NME7: variants seen among roughly 807,000 people sequenced by gnomAD.
NME7 encodes the protein NME/NM23 family member 7.
Under a neutral mutation model 49.1 loss-of-function variants are expected in NME7, and 41 were observed. The ratio of observed to expected loss-of-function variants is 0.83; its 90% CI spans 0.65 to 1.08. NME7 has a LOEUF of 1.08. Among genes scored for constraint, NME7 ranks in the 50% least tolerant of loss-of-function variants. The probability of loss-of-function intolerance (pLI) is 0.00; values close to 1 mark genes in which losing one functional copy is unlikely to be tolerated. For missense variants in NME7, 423 were observed against 463.4 expected (o/e 0.91, Z 0.80); for synonymous variants, 139 against 150.6 (o/e 0.92, Z 0.56).
At chr1:169,347,162 T>C (rs968649697) in intron 1 of NME7, among the ~76,000 whole-genome samples, 8 of 152,178 alleles carry the variant, frequency 5.3e-5, no homozygotes, top group Non-Finnish European at 1.2e-4. Flanking sequence ...ACCATACCCC[T>C]GCGCTCCAGC....
intron 11 of NME7, among the ~76,000 whole-genome samples, chr1:169,160,593 G>A (rs1295803810): frequency 6.6e-6 from 1 of 152,098 alleles, no homozygotes; most frequent in Non-Finnish European, 1.5e-5. Flanking sequence ...AGTGTGAAGA[G>A]TCACACTAAA....
chr1:169,134,786 G>T (rs1167881066), intron 11 of NME7, among the ~76,000 whole-genome samples: 1 of 151,898 alleles, frequency 6.6e-6, no homozygotes, highest in African/African-American at 2.4e-5. Flanking sequence ...GCACTGAATG[G>T]ATTTAAAGAA....
chr1:169,137,501 T>C (rs1321847128), intron 11 of NME7, among the ~76,000 whole-genome samples: 1 of 152,000 alleles, frequency 6.6e-6, no homozygotes, highest in Non-Finnish European at 1.5e-5. Flanking sequence ...TTATGGAAGG[T>C]GTGAGCTGGC....
At chr1:169,161,086 T>C (rs943304652) in intron 11 of NME7, among the ~76,000 whole-genome samples, 3 of 152,194 alleles carry the variant, frequency 2.0e-5, no homozygotes, top group East Asian at 1.9e-4. Flanking sequence ...ACAGGTATCA[T>C]TGTGCTATTC....
At chr1:169,330,404 G>A (rs6687062) in intron 1 of NME7, among the ~76,000 whole-genome samples, 1 of 152,106 alleles carries the variant, frequency 6.6e-6, no homozygotes, top group Non-Finnish European at 1.5e-5. Flanking sequence ...AAATGGCTGG[G>A]CGTGGTGGAT....
intron 3 of NME7, among the ~76,000 whole-genome samples, chr1:169,312,352 C>T (rs544350568): frequency 6.6e-6 from 1 of 152,260 alleles, no homozygotes; most frequent in African/African-American, 2.4e-5. Flanking sequence ...ATGCAAGTCA[C>T]GTGGTCAAGC....
At chr1:169,232,700 TA>T (rs1208595647) in intron 9 of NME7, among the ~76,000 whole-genome samples, 2 of 151,622 alleles carry the variant, frequency 1.3e-5, no homozygotes, top group African/African-American at 2.4e-5. Context: ...GAAGACGTTT[TA>T]AGACAAAAAA....
intron 2 of NME7, among the ~76,000 whole-genome samples, chr1:169,323,774 A>G (rs1052295775): frequency 2.6e-5 from 4 of 151,912 alleles, no homozygotes; most frequent in African/African-American, 9.7e-5. Context: ...TGACCATAAT[A>G]ATCCTTATCT....
In NME7 at chr1:169,282,565, T is replaced by C. The variant is rs1650067265; in HGVS notation, c.754+4738A>G. On this transcript the variant is annotated intron_variant, in intron 7 of 11. Transcript: ENST00000367811. ...TAGGGTATCAATTTTAGATCTTTCCTGCTTTCTCTTGTGGGCATTTAGAGC... is the reference window on the plus strand; with the variant it reads ...TAGGGTATCAATTTTAGATCTTTCCCGCTTTCTCTTGTGGGCATTTAGAGC... Among the ~76,000 whole-genome samples the C allele has an allele frequency of 2.0e-5, 3 of 152,186 alleles. No individual in the cohort carries two copies. The South Asian group carries it at 6.2e-4, about 32-fold the overall frequency.
chr1:169,199,926 G>A (rs917482117), intron 10 of NME7, among the ~76,000 whole-genome samples: 2 of 152,074 alleles, frequency 1.3e-5, no homozygotes, highest in Non-Finnish European at 2.9e-5. Context: ...GAAATTCAAT[G>A]ATGATGAGTT....
chr1:169,246,476 A>T (rs902216785), intron 7 of NME7, among the ~76,000 whole-genome samples: 1 of 152,346 alleles, frequency 6.6e-6, no homozygotes, highest in African/African-American at 2.4e-5. Context: ...AATTCATCCA[A>T]TAGATTTCTG....
intron 11 of NME7, among the ~76,000 whole-genome samples, chr1:169,142,849 C>G (rs548390273): frequency 6.6e-6 from 1 of 152,262 alleles, no homozygotes; most frequent in East Asian, 1.9e-4. Context: ...GGAGCCGGCA[C>G]AGGAAGTGGT....
At chr1:169,139,263 A>C (rs1223680622) in intron 11 of NME7, among the ~76,000 whole-genome samples, 1 of 152,226 alleles carries the variant, frequency 6.6e-6, no homozygotes, top group Non-Finnish European at 1.5e-5. Flanking sequence ...TTCTTGCTAC[A>C]TACCAAATGC....
In NME7 at chr1:169,257,438, G is replaced by GACCTACGCA. The variant is rs1558010985; in HGVS notation, c.755-19752_755-19751insTGCGTAGGT. ...CTGCTTCGGCTTGCGAACGGTACGC[G>GACCTACGCA]CACCCACTGACCTGCGCCCACTGTC... is the stretch of plus-strand genomic sequence containing the variant. On this transcript the variant is annotated intron_variant, in intron 7 of 11. Transcript: ENST00000367811. Among the ~76,000 whole-genome samples, 16 of 133,022 alleles carry GACCTACGCA rather than the reference G, an allele frequency of 1.2e-4. 2 individuals are homozygous for GACCTACGCA. Among genetic ancestry groups the GACCTACGCA allele is most frequent in the Admixed American group, 3.7e-4 (5 of 13,546 alleles). 87.3% of individuals were successfully genotyped at this position (133,022 alleles called of 152,430 possible).
intron 7 of NME7, among the ~76,000 whole-genome samples, chr1:169,273,523 C>T (rs1649572561): frequency 1.5e-5 from 2 of 130,898 alleles, no homozygotes; most frequent in African/African-American, 5.2e-5. Context: ...AGGTTAGTTA[C>T]ATATGTATAC....
rs111390148 is a variant in NME7 at position 169,222,369 on chromosome 1, T to C, written c.990+8349A>G. Among the ~76,000 whole-genome samples the C allele has an allele frequency of 3.5e-3, 531 of 152,294 alleles. 4 individuals are homozygous for C. The highest frequency in any genetic ancestry group is 0.012 in the African/African-American group (507 of 41,568). On this transcript the variant is annotated intron_variant, in intron 10 of 11. Coordinates refer to ENST00000367811, the MANE Select transcript of NME7 (RefSeq NM_013330.5). ...CAGTAGGCACTCAAACATTTATGAA[T>C]GCATGAATGATTGAAGGGCAACTAT...
Position 169,258,174 on chromosome 1 carries a change from CA to C in NME7, c.755-20488del, listed in dbSNP as rs147973091. 4.4e-3 allele frequency among the ~76,000 whole-genome samples: 567 copies of C among 127,474 alleles called. 56 individuals carry two copies. Among genetic ancestry groups the C allele is most frequent in the African/African-American group, 0.014 (541 of 37,982 alleles). 83.6% of individuals were successfully genotyped at this position (127,474 alleles called of 152,430 possible). ...GAACCATAGTGAGACCCTGTCTCTA[CA>C]AAAAATAAGAAATTAGCTAGGTGTT... is the stretch of plus-strand genomic sequence containing the variant. On this transcript the variant is annotated intron_variant, in intron 7 of 11. Transcript: ENST00000367811.
intron 7 of NME7, among the ~76,000 whole-genome samples, chr1:169,239,781 A>G (rs547240082): frequency 1.3e-5 from 2 of 152,148 alleles, no homozygotes; most frequent in East Asian, 3.9e-4. Flanking sequence ...TTCAAGGCAA[A>G]AGGAACATTA....
intron 10 of NME7, among the ~76,000 whole-genome samples, chr1:169,206,279 A>G (rs183045067): frequency 6.6e-6 from 1 of 152,266 alleles, no homozygotes; most frequent in Non-Finnish European, 1.5e-5. Context: ...GTATGTAGTA[A>G]GTCCCCAGAA....
Sources: allele counts gnomAD v4.1 joint callset (sites outside exome capture counted in the v4.1 genomes callset), GRCh38; gene constraint gnomAD v4.1.1; transcripts MANE v1.5; gene names NCBI Gene and HGNC (gene_info 2026-07-23, HGNC 2026-07-21).